KCTD10: variants seen among roughly 807,000 people sequenced by gnomAD.
KCTD10 encodes the protein potassium channel tetramerization domain containing 10.
KCTD10 carries 13 observed loss-of-function variants against 34.6 expected under a neutral mutation model. The ratio of observed to expected loss-of-function variants is 0.38; its 90% CI spans 0.24 to 0.60. The LOEUF (loss-of-function observed/expected upper bound fraction) is 0.60. Ranked by LOEUF, KCTD10 falls within the 20% of genes least tolerant of loss-of-function variation. The pLI, the probability that KCTD10 is intolerant of heterozygous loss-of-function variation, is 0.66. For synonymous variants in KCTD10, 156 were observed against 168.8 expected (o/e 0.92, Z 0.59); for missense variants, 256 against 420.3 (o/e 0.61, Z 3.42).
chr12:109,471,915 A>C (rs532400402), intron 1 of KCTD10, among the ~76,000 whole-genome samples: 24 of 152,344 alleles, frequency 1.6e-4, no homozygotes, highest in African/African-American at 5.5e-4. Context: ...GTCAAAGCAC[A>C]GTAAATATGT....
At chr12:109,456,508 T>C (rs533508979) in intron 5 of KCTD10, 195 bp from the exon 6 acceptor site, 8 of 620,254 alleles carry the variant, frequency 1.3e-5, no homozygotes, top group African/African-American at 5.5e-5. Context: ...AATTAGGTAA[T>C]TGCTCAAGGC....
At chr12:109,470,455 G>A (rs773076018) in intron 1 of KCTD10, 7 of 985,508 alleles carry the variant, frequency 7.1e-6, no homozygotes, top group Non-Finnish European at 8.4e-6. Context: ...ACATCTCAAA[G>A]AAATGGATAC....
intron 5 of KCTD10, chr12:109,456,517 G>A (rs1873025919): frequency 5.0e-6 from 3 of 599,574 alleles, no homozygotes; most frequent in South Asian, 3.9e-5. Flanking sequence ...ATTGCTCAAG[G>A]CTGAACCTAA....
chr12:109,450,196 C>G lies in KCTD10; in HGVS notation c.*1399G>C. On this transcript the variant is annotated 3_prime_UTR_variant, in exon 7 of 7. Coordinates refer to ENST00000228495, the MANE Select transcript of KCTD10 (RefSeq NM_031954.5). ...ACCCATCCATCACCTGACGCACATT[C>G]ACATCTCCTGGTAACTACTCTACCT... The G allele has an allele frequency of 2.5e-6, 1 of 398,632 alleles. No individual in the cohort carries two copies. The allele number at this position is 398,632 out of a possible 1,614,324, so 24.7% of individuals were successfully genotyped here.
Position 109,469,693 on chromosome 12 carries a change from C to G in KCTD10, c.39G>C (p.Ala13=). The stretch of plus-strand genomic sequence containing the variant: ...TGGTGCGGGTAGCAGCCGCTGGCAC[C>G]GCTGAGCTCACCACACTTTCTCCTG... ...EMSGESVVSS[A]VPAAATRTTS... Residue 13 remains alanine, a synonymous_variant, in exon 2 of 7, where the codon GCG becomes GCC. Coordinates refer to ENST00000228495, the MANE Select transcript of KCTD10 (RefSeq NM_031954.5). The G allele has an allele frequency of 1.2e-6, 2 of 1,614,184 alleles. No homozygotes were observed. The highest frequency in any genetic ancestry group is 1.7e-6 in the Non-Finnish European group (2 of 1,180,032).
At chr12:109,453,150 G>A (rs12833054) in intron 6 of KCTD10, among the ~76,000 whole-genome samples, 21,466 of 152,112 alleles carry the variant, frequency 0.14, 1,736 homozygotes, top group Admixed American at 0.2. Flanking sequence ...AGCCTTGAAC[G>A]CCTAGGCTCA....
At position 109,461,167 on chromosome 12, in the gene KCTD10, T is replaced by A. The variant is rs115298427; in HGVS notation, c.218-362A>T. The stretch of plus-strand genomic sequence containing the variant: ...GGTAAAACAGGCCCAAATGGCCACA[T>A]ACCAAGGATAGAAGAAAGCCTTCTG... On this transcript the variant is annotated intron_variant, in intron 2 of 6. Coordinates refer to ENST00000228495, the MANE Select transcript of KCTD10 (RefSeq NM_031954.5). Among the ~76,000 whole-genome samples the A allele has an allele frequency of 3.9e-3, 588 of 152,340 alleles. 4 individuals are homozygous for A. Among genetic ancestry groups the A allele is most frequent in the African/African-American group, 0.014 (566 of 41,580 alleles).
At position 109,451,930 on chromosome 12, in the gene KCTD10, C is replaced by G. The variant is rs538871674; in HGVS notation, c.724-117G>C. Reference sequence around the variant, plus strand: ...GCCCCTGGGATTCTGCTGAAGGCCACCAGTATTATTTTTAAATAAACTGAT... The same window carrying G: ...GCCCCTGGGATTCTGCTGAAGGCCAGCAGTATTATTTTTAAATAAACTGAT... On this transcript the variant is annotated intron_variant, in intron 6 of 6. Transcript: ENST00000228495. This position sits in a 1 kb window ranked among gnomAD's most constrained non-coding sequence, Gnocchi z 5.0. 7.0e-6 allele frequency: 5 copies of G among 715,584 alleles called. No individual in the cohort carries two copies. The East Asian group carries it at 1.2e-4, about 18-fold the overall frequency. The allele number at this position is 715,584 out of a possible 1,614,324, so 44.3% of individuals were successfully genotyped here.
At chr12:109,458,491 G>GA (rs139378705) in intron 3 of KCTD10, 26,226 of 155,646 alleles carry the variant, frequency 0.17, 2,281 homozygotes, top group African/African-American at 0.19. Context: ...CAGCAGACCA[G>GA]TAAAAAAAGT....
chr12:109,470,443 G>A, intron 1 of KCTD10: 1 of 985,482 alleles, frequency 1.0e-6, no homozygotes, highest in Non-Finnish European at 1.2e-6. Flanking sequence ...CTGACTCTCT[G>A]TACATCTCAA....
intron 1 of KCTD10, among the ~76,000 whole-genome samples, chr12:109,473,147 G>A (rs1033748620): frequency 2.0e-4 from 30 of 152,338 alleles, no homozygotes; most frequent in Admixed American, 1.4e-3. Context: ...AGTCAGTGAC[G>A]GGGCCAGTGA....
At chr12:109,465,281 C>A (rs773613681) in intron 2 of KCTD10, among the ~76,000 whole-genome samples, 39 of 152,174 alleles carry the variant, frequency 2.6e-4, no homozygotes, top group Non-Finnish European at 3.7e-4. Context: ...ATTGATCTCA[C>A]AAGCATAATG....
At chr12:109,458,143 C>T (rs538076655) in intron 3 of KCTD10, 65 bp from the exon 4 acceptor site, 30 of 1,335,740 alleles carry the variant, frequency 2.2e-5, no homozygotes, top group South Asian at 2.0e-4. Flanking sequence ...TAAAGTTGAC[C>T]GGCTGGACAG....
rs200627498 is a variant in KCTD10 at position 109,451,673 on chromosome 12, G to A, written c.864C>T (p.Asp288=). The change falls in exon 7 of 7, where the codon GAC becomes GAT. Residue 288 remains aspartate, a synonymous_variant. Transcript: ENST00000228495. The surrounding 1 kb of genome is among the most constrained non-coding windows in gnomAD (Gnocchi z 5.0). ...CGCGCTCGATCCGCTCCCGCTCCTC[G>A]TCCTCGTCCAGGTGGTGGGAGCGCC... ...AAGRSHHLDE[D]EERERIERVR... 191 of 1,613,632 alleles carry A rather than the reference G, an allele frequency of 1.2e-4. 1 individual carries two copies. The Admixed American group carries it at 2.6e-3, about 22-fold the overall frequency.
intron 6 of KCTD10, 144 bp downstream of exon 6, chr12:109,455,974 G>T: frequency 1.2e-6 from 1 of 823,850 alleles, no homozygotes; most frequent in Non-Finnish European, 1.9e-6. Context: ...GGGCCTAAAA[G>T]ATAAATATTT....
intron 2 of KCTD10, chr12:109,464,886 C>T (rs779797472): frequency 1.3e-5 from 6 of 455,326 alleles, no homozygotes; most frequent in South Asian, 7.8e-5. Flanking sequence ...GGGACTCCTG[C>T]AATATCTAAG....
chr12:109,461,421 A>G (rs1275222752), intron 2 of KCTD10, among the ~76,000 whole-genome samples: 1 of 152,204 alleles, frequency 6.6e-6, no homozygotes, highest in East Asian at 1.9e-4. Flanking sequence ...ACCCTCAGGC[A>G]GCTCGGTAAA....
chr12:109,465,083 G>A (rs1231072319), intron 2 of KCTD10, among the ~76,000 whole-genome samples: 1 of 152,072 alleles, frequency 6.6e-6, no homozygotes, highest in Admixed American at 6.6e-5. Context: ...GGCAAAGGCT[G>A]GGCAGCATCG....
intron 6 of KCTD10, 57 bp downstream of exon 6, chr12:109,456,061 T>C: frequency 6.5e-7 from 1 of 1,533,674 alleles, no homozygotes; most frequent in Non-Finnish European, 9.0e-7. Context: ...TGAAAGGAAG[T>C]TCTATAGGTG....
Sources: gnomAD v4.1 joint callset for allele counts (sites outside exome capture counted in the v4.1 genomes callset) on GRCh38, gnomAD v4.1.1 for gene constraint, Gnocchi (gnomAD v3.1) non-coding constraint, MANE v1.5 for transcripts, NCBI Gene and HGNC (gene_info 2026-07-23, HGNC 2026-07-21) for gene names.